The following PLSCR2 variants were observed in gnomAD, a reference collection of about 807,000 sequenced individuals.
The protein encoded by PLSCR2 is PL scramblase 2.
In PLSCR2, 18 loss-of-function variants were observed where a neutral mutation model predicts 25.3. The ratio of observed to expected loss-of-function variants is 0.71; its 90% confidence interval spans 0.49 to 1.06. The LOEUF is 1.06. Among genes scored for constraint, PLSCR2 ranks in the 50% least tolerant of loss-of-function variants. The pLI is 0.00. For synonymous variants in PLSCR2, 88 were observed against 87.3 expected (o/e 1.01, Z -0.04); for missense variants, 243 against 269.5 (o/e 0.90, Z 0.69).
rs190963169 is a variant in PLSCR2 at position 146,394,439 on chromosome 3, T to C, written c.*145+1321A>G. On this transcript the variant is annotated intron_variant and NMD_transcript_variant, in intron 3 of 3. Coordinates refer to the PLSCR2 transcript ENST00000463633. ...TGTGTCACCTGCTCGGCTGATTTTG[T>C]ATTTTTAGTAGAGACGGGGTTTCTC... is the stretch of plus-strand genomic sequence containing the variant. Among the ~76,000 whole-genome samples, 47 of 152,144 alleles carry C rather than the reference T, an allele frequency of 3.1e-4. No individual in the cohort carries two copies. The East Asian group carries it at 7.8e-3, about 25-fold the overall frequency.
upstream of PLSCR2, among the ~76,000 whole-genome samples, chr3:146,461,277 C>T (rs1050999975): frequency 6.6e-6 from 1 of 152,114 alleles, no homozygotes; most frequent in Admixed American, 6.5e-5. Flanking sequence ...AAGTGGAACA[C>T]TGGTGACAGG....
chr3:146,440,991 T>C (rs540385633), downstream of PLSCR2, among the ~76,000 whole-genome samples: 1 of 152,296 alleles, frequency 6.6e-6, no homozygotes, highest in Admixed American at 6.5e-5. Flanking sequence ...AATAAACAAC[T>C]TCAAAAGTGA....
At chr3:146,443,282 TAGAA>T (rs2040354164) in intron 6 of PLSCR2, among the ~76,000 whole-genome samples, 1 of 152,086 alleles carries the variant, frequency 6.6e-6, no homozygotes, top group Non-Finnish European at 1.5e-5. Context: ...ACTGGCCTCA[TAGAA>T]TAAGTTTGCA....
At position 146,487,736 on chromosome 3, in the gene PLSCR2, G is replaced by A. The variant is rs1487168715; in HGVS notation, c.-293+8159C>T. ...AGGAAGAATCAATATCATAAAAATG[G>A]CCAAACTGCCCAAAATAATTTATAA... On this transcript the variant is annotated intron_variant, in intron 1 of 8. Transcript: ENST00000336685. 2.0e-5 allele frequency among the ~76,000 whole-genome samples: 3 copies of A among 151,926 alleles called. No individual in the cohort carries two copies. The East Asian group carries it at 5.8e-4, about 29-fold the overall frequency.
At chr3:146,470,472 C>T (rs1375860021) in intron 1 of PLSCR2, among the ~76,000 whole-genome samples, 1 of 152,004 alleles carries the variant, frequency 6.6e-6, no homozygotes, top group African/African-American at 2.4e-5. Flanking sequence ...CGCTTGAACC[C>T]GGAAGGCAGA....
At chr3:146,407,812 G>GT (rs1186618202) in intron 2 of PLSCR2, among the ~76,000 whole-genome samples, 1 of 152,124 alleles carries the variant, frequency 6.6e-6, no homozygotes, top group African/African-American at 2.4e-5. Context: ...TGTCTCTGTG[G>GT]TAACAGTTGC....
chr3:146,490,614 G>A (rs190661882), intron 1 of PLSCR2, among the ~76,000 whole-genome samples: 1 of 152,182 alleles, frequency 6.6e-6, no homozygotes, highest in East Asian at 1.9e-4. Flanking sequence ...GTTATGTAAT[G>A]CTTTGACTTT....
intron 1 of PLSCR2, among the ~76,000 whole-genome samples, chr3:146,482,015 G>A (rs938807858): frequency 1.8e-4 from 27 of 152,098 alleles, no homozygotes; most frequent in Admixed American, 6.6e-4. Flanking sequence ...TGGAAAACTG[G>A]CTAGCCATAT....
intron 3 of PLSCR2, among the ~76,000 whole-genome samples, chr3:146,393,808 C>CAAAAAAAAAA (rs71849356): frequency 8.1e-6 from 1 of 123,754 alleles, no homozygotes; most frequent in Non-Finnish European, 1.7e-5. Context: ...GACTCCGTCT[C>CAAAAAAAAAA]AAAAAAAAAA....
chr3:146,459,604 A>T (rs2041435569), intron 2 of PLSCR2, among the ~76,000 whole-genome samples: 1 of 152,198 alleles, frequency 6.6e-6, no homozygotes, highest in Admixed American at 6.5e-5. Context: ...ACTTTGGACT[A>T]TTATCACATT....
intron 1 of PLSCR2, 54 bp from the exon 2 acceptor site, chr3:146,460,137 CT>C (rs2041480642): frequency 8.5e-6 from 12 of 1,411,102 alleles, no homozygotes; most frequent in Non-Finnish European, 8.5e-6. Flanking sequence ...GTCATCAATC[CT>C]TTTTAGAATA....
intron 2 of PLSCR2, among the ~76,000 whole-genome samples, chr3:146,409,391 C>T (rs1241942727): frequency 6.6e-6 from 1 of 152,000 alleles, no homozygotes; most frequent in East Asian, 1.9e-4. Flanking sequence ...GGGGAGCGAG[C>T]CGGCTGAGGG....
rs376262215 is a variant in PLSCR2 at position 146,476,876 on chromosome 3, G to A, written c.-292-16592C>T. Among the ~76,000 whole-genome samples the A allele has an allele frequency of 2.6e-5, 4 of 152,216 alleles. No individual in the cohort carries two copies. The East Asian group carries it at 5.8e-4, about 22-fold the overall frequency. On this transcript the variant is annotated intron_variant, in intron 1 of 8. Coordinates refer to the PLSCR2 transcript ENST00000336685. ...GGTCTCCCTGGGCCTGAGCCCCTAG[G>A]GGGAAGGATAGTCATGGTCTCCATG...
At chr3:146,440,286 C>T (rs538983423), downstream of PLSCR2, among the ~76,000 whole-genome samples, 164 of 152,310 alleles carry the variant, frequency 1.1e-3, no homozygotes, top group African/African-American at 3.1e-3. Flanking sequence ...GGGAGAAAAA[C>T]TACTCTCTTC....
At chr3:146,471,126 T>C (rs2042103695) in intron 1 of PLSCR2, among the ~76,000 whole-genome samples, 1 of 152,140 alleles carries the variant, frequency 6.6e-6, no homozygotes, top group Non-Finnish European at 1.5e-5. Flanking sequence ...ATCTTGGAAA[T>C]CTCTATCCCT....
intron 1 of PLSCR2, among the ~76,000 whole-genome samples, chr3:146,485,053 C>A (rs1212906551): frequency 6.7e-6 from 1 of 148,834 alleles, no homozygotes; most frequent in East Asian, 2.0e-4. Context: ...ATCTTCTGTA[C>A]AAAGACACAC....
At chr3:146,441,969 G>A in intron 6 of PLSCR2, 148 bp from the exon 7 acceptor site, 1 of 531,632 alleles carries the variant, frequency 1.9e-6, no homozygotes, top group East Asian at 3.3e-5. Flanking sequence ...AAAGTCTACA[G>A]GTATAAGTTC....
intron 1 of PLSCR2, among the ~76,000 whole-genome samples, chr3:146,481,562 G>A (rs2043130896): frequency 6.6e-6 from 1 of 152,154 alleles, no homozygotes; most frequent in Non-Finnish European, 1.5e-5. Flanking sequence ...ACAAACCACT[G>A]CTCAAGGAAA....
At chr3:146,481,608 T>C (rs2043132744) in intron 1 of PLSCR2, among the ~76,000 whole-genome samples, 1 of 152,224 alleles carries the variant, frequency 6.6e-6, no homozygotes. Context: ...GAACATTCCA[T>C]GCTCATGGAT....
Sources: allele counts gnomAD v4.1 joint callset (sites outside exome capture counted in the v4.1 genomes callset), GRCh38; gene constraint gnomAD v4.1.1; transcripts MANE v1.5; gene names NCBI Gene and HGNC (gene_info 2026-07-23, HGNC 2026-07-21).